Variants in RASAL2 observed in about 807,000 individuals in gnomAD.
The protein encoded by RASAL2 is ras GTPase-activating protein nGAP.
A neutral mutation model predicts 128.9 loss-of-function variants in RASAL2; 58 were observed. That is an observed-to-expected ratio of 0.45 (90% CI 0.36 to 0.56). The LOEUF is 0.56. Among genes scored for constraint, RASAL2 ranks in the 20% least tolerant of loss-of-function variants. RASAL2 has a pLI of 0.00. For synonymous variants in RASAL2, 561 were observed against 580.8 expected (o/e 0.97, Z 0.49); for missense variants, 1,360 against 1,601.6 (o/e 0.85, Z 2.57).
At chr1:178,385,278 T>C (rs1305152900) in intron 3 of RASAL2, among the ~76,000 whole-genome samples, 1 of 151,960 alleles carries the variant, frequency 6.6e-6, no homozygotes, top group Non-Finnish European at 1.5e-5. Flanking sequence ...GATGGTGAAA[T>C]ACCCTTTCTA....
intron 3 of RASAL2, among the ~76,000 whole-genome samples, chr1:178,386,408 A>C (rs939346903): frequency 6.6e-6 from 1 of 152,208 alleles, no homozygotes. Flanking sequence ...AATGGCTTAC[A>C]CAGAATCGTA....
chr1:178,196,102 T>C (rs192304914), intron 1 of RASAL2, among the ~76,000 whole-genome samples: 89 of 152,240 alleles, frequency 5.8e-4, no homozygotes, highest in Admixed American at 5.6e-3. Context: ...ATGTTATAGG[T>C]ATTATATTTA....
At chr1:178,198,728 T>C (rs316271) in intron 1 of RASAL2, among the ~76,000 whole-genome samples, 152,077 of 152,310 alleles carry the variant, frequency 1, 75,922 homozygotes, top group Middle Eastern at 1. Context: ...AGGTGTCAGT[T>C]GGCCCCTGCT....
chr1:178,362,810 A>C (rs1467023032), intron 3 of RASAL2, among the ~76,000 whole-genome samples: 1 of 151,148 alleles, frequency 6.6e-6, no homozygotes, highest in African/African-American at 2.4e-5. Context: ...ATGTCCTCTA[A>C]GTTCATTAAT....
chr1:178,234,041 C>T (rs949197370), intron 1 of RASAL2, among the ~76,000 whole-genome samples: 1 of 152,156 alleles, frequency 6.6e-6, no homozygotes, highest in Non-Finnish European at 1.5e-5. Context: ...ATCACTGCTT[C>T]AGAAACCTTT....
At chr1:178,325,121 G>A (rs1668975407) in intron 3 of RASAL2, among the ~76,000 whole-genome samples, 1 of 152,182 alleles carries the variant, frequency 6.6e-6, no homozygotes, top group Admixed American at 6.5e-5. Context: ...ACAACAGGAA[G>A]CTTCCATTCA....
At position 178,336,811 on chromosome 1, in the gene RASAL2, T is replaced by C. The variant is rs77220501; in HGVS notation, c.457+36693T>C. ...TATCCAACACTATCCGAAAATACTT[T>C]TAGTTGCTTTTCATTGTTTATTCAT... On this transcript the variant is annotated intron_variant, in intron 3 of 17. Transcript: ENST00000367649. Among the ~76,000 whole-genome samples, 205 of 152,222 alleles carry C rather than the reference T, an allele frequency of 1.3e-3. 1 individual carries two copies. Among genetic ancestry groups the C allele is most frequent in the East Asian group, 6.6e-3 (34 of 5,186 alleles).
intron 1 of RASAL2, among the ~76,000 whole-genome samples, chr1:178,107,689 A>G (rs1421771143): frequency 6.6e-6 from 1 of 152,078 alleles, no homozygotes; most frequent in African/African-American, 2.4e-5. Context: ...TGCCTATTCT[A>G]GGTACCTCAT....
intron 3 of RASAL2, among the ~76,000 whole-genome samples, chr1:178,369,390 T>G (rs1671582096): frequency 6.6e-6 from 1 of 151,956 alleles, no homozygotes; most frequent in Non-Finnish European, 1.5e-5. Context: ...CCTGGCTAGT[T>G]TTTTTGTATT....
rs368130599 is a variant in RASAL2 at position 178,270,255 on chromosome 1, C to T, written c.203-13309C>T. 1.8e-3 allele frequency among the ~76,000 whole-genome samples: 275 copies of T among 152,146 alleles called. 2 individuals carry two copies. Among genetic ancestry groups the T allele is most frequent in the South Asian group, 0.012 (60 of 4,820 alleles). On this transcript the variant is annotated intron_variant, in intron 1 of 17. Transcript: ENST00000367649. ...ACTCGGGTTTCGATCTAGAAACTCA[C>T]ATCATTTAGTACTGAGAAATTTCAC...
chr1:178,447,067 T>C (rs1677052687), intron 9 of RASAL2, among the ~76,000 whole-genome samples: 1 of 152,180 alleles, frequency 6.6e-6, no homozygotes, highest in Non-Finnish European at 1.5e-5. Flanking sequence ...AAACCTCAAA[T>C]GCCTGGGTGA....
At chr1:178,213,218 G>A (rs556444101) in intron 1 of RASAL2, among the ~76,000 whole-genome samples, 2 of 151,782 alleles carry the variant, frequency 1.3e-5, no homozygotes, top group South Asian at 4.2e-4. Context: ...TTTTTCTTTC[G>A]TTTGCTATAG....
chr1:178,426,607 TA>T (rs899119812), intron 5 of RASAL2, among the ~76,000 whole-genome samples: 27 of 145,648 alleles, frequency 1.9e-4, no homozygotes, highest in African/African-American at 6.1e-4. Flanking sequence ...TGCTAAGGTT[TA>T]AAAAAAAATT....
At chr1:178,364,440 A>G (rs1177940884) in intron 3 of RASAL2, among the ~76,000 whole-genome samples, 1 of 152,196 alleles carries the variant, frequency 6.6e-6, no homozygotes, top group Non-Finnish European at 1.5e-5. Flanking sequence ...TAACTATAAA[A>G]TGGGAAAAAT....
chr1:178,270,747 T>G (rs1666207380), intron 1 of RASAL2, among the ~76,000 whole-genome samples: 1 of 152,114 alleles, frequency 6.6e-6, no homozygotes, highest in African/African-American at 2.4e-5. Flanking sequence ...AGGATCTAAG[T>G]GTGAAGATGG....
intron 1 of RASAL2, among the ~76,000 whole-genome samples, chr1:178,134,089 A>G (rs1660221477): frequency 6.6e-6 from 1 of 152,218 alleles, no homozygotes; most frequent in African/African-American, 2.4e-5. Context: ...ATTATCTCAC[A>G]TAGTTTTGTG....
At chr1:178,280,397 C>T (rs1666727770) in intron 1 of RASAL2, among the ~76,000 whole-genome samples, 1 of 151,846 alleles carries the variant, frequency 6.6e-6, no homozygotes, top group Non-Finnish European at 1.5e-5. Context: ...AATGTGTTAC[C>T]TATGTTAACA....
intron 2 of RASAL2, among the ~76,000 whole-genome samples, chr1:178,286,311 A>T (rs1667022745): frequency 6.6e-6 from 1 of 152,132 alleles, no homozygotes; most frequent in Admixed American, 6.5e-5. Context: ...GTTTTTCCTC[A>T]TACCATAATG....
chr1:178,412,171 T>G (rs1674435147), intron 4 of RASAL2, among the ~76,000 whole-genome samples: 1 of 151,884 alleles, frequency 6.6e-6, no homozygotes, highest in Non-Finnish European at 1.5e-5. Flanking sequence ...TCTAGCATGG[T>G]GTTAAGAGTC....
Sources: allele counts gnomAD v4.1 joint callset (sites outside exome capture counted in the v4.1 genomes callset), GRCh38; gene constraint gnomAD v4.1.1; transcripts MANE v1.5; gene names NCBI Gene and HGNC (gene_info 2026-07-23, HGNC 2026-07-21).